Variants in MCUB observed in about 807,000 individuals in gnomAD.
The protein encoded by MCUB is mitochondrial calcium uniporter dominant negative subunit beta.
In MCUB, 46 loss-of-function variants were observed where a neutral mutation model predicts 41.4. The observed-to-expected ratio is 1.11, with a 90% CI of 0.88 to 1.42. The LOEUF is 1.42. MCUB is among the 40% of genes most tolerant of loss of function. The probability of loss-of-function intolerance (pLI) is 0.00; values close to 1 mark genes in which losing one functional copy is unlikely to be tolerated. For synonymous variants in MCUB, 148 were observed against 148.2 expected (o/e 1.00, Z 0.01); for missense variants, 403 against 404.9 (o/e 1.00, Z 0.04).
At chr4:109,668,382 G>C (rs1456064426) in intron 4 of MCUB, among the ~76,000 whole-genome samples, 5 of 152,016 alleles carry the variant, frequency 3.3e-5, no homozygotes, top group Non-Finnish European at 7.4e-5. Flanking sequence ...TTATTATTAT[G>C]TAATGTCTCT....
intron 3 of MCUB, among the ~76,000 whole-genome samples, chr4:109,661,730 C>T (rs146839101): frequency 9.9e-5 from 15 of 152,072 alleles, no homozygotes; most frequent in Admixed American, 4.6e-4. Flanking sequence ...GAGGGAGTCA[C>T]GTAGAGGGAA....
intron 1 of MCUB, among the ~76,000 whole-genome samples, chr4:109,603,185 C>A (rs532294045): frequency 6.6e-6 from 1 of 152,364 alleles, no homozygotes; most frequent in African/African-American, 2.4e-5. Flanking sequence ...CGGCTCACTG[C>A]AACCTCCCTG....
At chr4:109,603,959 G>T (rs1472572364) in intron 1 of MCUB, among the ~76,000 whole-genome samples, 1 of 152,136 alleles carries the variant, frequency 6.6e-6, no homozygotes, top group Non-Finnish European at 1.5e-5. Flanking sequence ...GGAAATGTGG[G>T]GAAAAGAAAG....
At chr4:109,590,653 T>C (rs1338744587) in intron 1 of MCUB, among the ~76,000 whole-genome samples, 1 of 152,218 alleles carries the variant, frequency 6.6e-6, no homozygotes, top group African/African-American at 2.4e-5. Context: ...CCTTCATGGC[T>C]CTGAATGATA....
chr4:109,679,191 A>G (rs1729657878), intron 4 of MCUB, among the ~76,000 whole-genome samples: 1 of 151,422 alleles, frequency 6.6e-6, no homozygotes. Context: ...GGCACTCCTC[A>G]CATCCCAGAC....
chr4:109,594,956 C>T (rs1264962592), intron 1 of MCUB, among the ~76,000 whole-genome samples: 1 of 151,956 alleles, frequency 6.6e-6, no homozygotes, highest in Non-Finnish European at 1.5e-5. Context: ...GGGTCCTGCA[C>T]ACCAGTTCCA....
In MCUB at chr4:109,672,898, C is replaced by G. The variant is rs373494998; in HGVS notation, c.451+8504C>G. ...AAGATGATCCAGGTTGACCTTGTAC[C>G]TATCATGTCCCATCACTTTTATCAG... On this transcript the variant is annotated intron_variant, in intron 4 of 7. Coordinates refer to ENST00000394650, the MANE Select transcript of MCUB (RefSeq NM_017918.5). 6.6e-5 allele frequency among the ~76,000 whole-genome samples: 10 copies of G among 152,258 alleles called. No homozygotes were observed. In the East Asian group the frequency reaches 1.9e-3, roughly 29 times the overall value.
chr4:109,647,282 A>T (rs1364275269), intron 1 of MCUB, among the ~76,000 whole-genome samples: 1 of 152,086 alleles, frequency 6.6e-6, no homozygotes, highest in Non-Finnish European at 1.5e-5. Flanking sequence ...ATGTGTCTAC[A>T]TTATAGTGTC....
chr4:109,621,038 A>G (rs1409553546), intron 1 of MCUB, among the ~76,000 whole-genome samples: 4 of 152,062 alleles, frequency 2.6e-5, no homozygotes, highest in Non-Finnish European at 5.9e-5. Flanking sequence ...AGCTGGGATT[A>G]TAGGTGCATG....
chr4:109,679,569 C>G (rs1729669637), intron 4 of MCUB, among the ~76,000 whole-genome samples: 1 of 152,148 alleles, frequency 6.6e-6, no homozygotes, highest in South Asian at 2.1e-4. Context: ...TTGCAGCGAG[C>G]CGAGATCATG....
chr4:109,623,800 C>A (rs6849691), intron 1 of MCUB, among the ~76,000 whole-genome samples: 1 of 152,080 alleles, frequency 6.6e-6, no homozygotes, highest in Non-Finnish European at 1.5e-5. Context: ...GAACTGTTTT[C>A]TTCCACAGGC....
Position 109,682,758 on chromosome 4 carries a change from G to C in MCUB, c.612+16G>C. ...CCTTGAACAGGTTAGGAAGCATCAC[G>C]GTTGAGTATATTTGAAAATAATACC... On this transcript the variant is annotated intron_variant, in intron 5 of 7. Coordinates refer to ENST00000394650, the MANE Select transcript of MCUB (RefSeq NM_017918.5). 6.3e-7 allele frequency: 1 copy of C among 1,591,564 alleles called. No individual in the cohort carries two copies. Among genetic ancestry groups the C allele is most frequent in the Non-Finnish European group, 8.5e-7 (1 of 1,169,746 alleles).
intron 1 of MCUB, among the ~76,000 whole-genome samples, chr4:109,567,534 C>T (rs1726810691): frequency 7.3e-6 from 1 of 137,318 alleles, no homozygotes; most frequent in Non-Finnish European, 1.5e-5. Context: ...ATTAGCCAGA[C>T]ATGGTGGCAC....
intron 1 of MCUB, among the ~76,000 whole-genome samples, chr4:109,577,766 T>A (rs530864885): frequency 0.012 from 940 of 81,144 alleles, 322 homozygotes; most frequent in Non-Finnish European, 0.021. Flanking sequence ...GCCCGCCACC[T>A]CGCCCGGCTA....
At chr4:109,645,870 A>G (rs1396307755) in intron 1 of MCUB, among the ~76,000 whole-genome samples, 2 of 152,082 alleles carry the variant, frequency 1.3e-5, no homozygotes, top group African/African-American at 4.8e-5. Context: ...TGTGTCCCTC[A>G]GGCTTTCTCA....
At chr4:109,662,167 C>A (rs1247369200) in intron 3 of MCUB, among the ~76,000 whole-genome samples, 2 of 152,202 alleles carry the variant, frequency 1.3e-5, no homozygotes, top group Non-Finnish European at 2.9e-5. Flanking sequence ...CTGGAAGGGA[C>A]GTTTCTTCCT....
intron 1 of MCUB, among the ~76,000 whole-genome samples, chr4:109,586,092 C>G (rs1245828913): frequency 1.3e-5 from 2 of 152,222 alleles, no homozygotes; most frequent in African/African-American, 2.4e-5. Context: ...GTACACCAAT[C>G]AGACGTAGAT....
intron 1 of MCUB, among the ~76,000 whole-genome samples, chr4:109,584,723 T>G (rs1018119114): frequency 6.6e-6 from 1 of 152,212 alleles, no homozygotes; most frequent in Non-Finnish European, 1.5e-5. Context: ...CAGTAGTCAT[T>G]CAGGAGCACG....
intron 6 of MCUB, 145 bp from the exon 7 acceptor site, chr4:109,685,106 T>C: frequency 5.5e-6 from 3 of 547,222 alleles, no homozygotes; most frequent in Non-Finnish European, 6.5e-6. Flanking sequence ...TGTTGGCTTA[T>C]GCTTACTCTC....
Sources: gnomAD v4.1 joint callset for allele counts (sites outside exome capture counted in the v4.1 genomes callset) on GRCh38, gnomAD v4.1.1 for gene constraint, MANE v1.5 for transcripts, NCBI Gene and HGNC (gene_info 2026-07-23, HGNC 2026-07-21) for gene names.